The following BCAP29 variants were observed in gnomAD, a reference collection of about 807,000 sequenced individuals.
BCAP29 encodes B cell receptor associated protein 29.
Under a neutral mutation model 31.8 loss-of-function variants are expected in BCAP29, and 34 were observed. That is an observed-to-expected ratio of 1.07 (90% CI 0.81 to 1.42). The LOEUF (loss-of-function observed/expected upper bound fraction) is 1.42, where lower values mean the gene tolerates loss of function less well. BCAP29 is among the 40% of genes most tolerant of loss of function. BCAP29 has a pLI of 0.00. For missense variants in BCAP29, 314 were observed against 269.2 expected, an observed-to-expected ratio of 1.17 and a Z score of -1.16; for synonymous variants, 104 against 91.3, an observed-to-expected ratio of 1.14 and a Z score of -0.79.
chr7:107,615,171 A>T (rs1437643778), intron 7 of BCAP29: 2 of 456,162 alleles, frequency 4.4e-6, no homozygotes, highest in Non-Finnish European at 8.8e-6. Context: ...CCATTGTGGT[A>T]ACAGCCATTG....
Position 107,618,543 on chromosome 7 carries a change from A to G in BCAP29, c.*180A>G. 1.2e-6 allele frequency: 2 copies of G among 1,603,572 alleles called. No individual in the cohort carries two copies. The highest frequency in any genetic ancestry group is 8.5e-7 in the Non-Finnish European group (1 of 1,171,032). The stretch of plus-strand genomic sequence containing the variant: ...TTTGATGATGTTTCAGATATATTGC[A>G]AAGTCTGTATTCCAGCTCTTAAGAA... On this transcript the variant is annotated 3_prime_UTR_variant, in exon 8 of 8. Coordinates refer to ENST00000005259, the MANE Select transcript of BCAP29 (RefSeq NM_018844.4).
In BCAP29 at chr7:107,608,255, A is replaced by G. The variant is rs561232754; in HGVS notation, c.590-5077A>G. Among the ~76,000 whole-genome samples, 4 of 152,098 alleles carry G rather than the reference A, an allele frequency of 2.6e-5. No individual in the cohort carries two copies. In the East Asian group the frequency reaches 7.7e-4, roughly 29 times the overall value. ...CGCTCAACCTCCTTGAAAGCAGAGT[A>G]TCTGTGTAAATTGTTTGGAATTCTA... On this transcript the variant is annotated intron_variant, in intron 6 of 7. Coordinates refer to ENST00000005259, the MANE Select transcript of BCAP29 (RefSeq NM_018844.4).
intron 5 of BCAP29, among the ~76,000 whole-genome samples, chr7:107,599,124 A>G (rs1462806334): frequency 5.3e-5 from 7 of 131,676 alleles, no homozygotes; most frequent in Non-Finnish European, 1.1e-4. Flanking sequence ...ATATATAAAT[A>G]TATTAAAAAT....
At chr7:107,592,021 A>G (rs1485064353) in intron 3 of BCAP29, among the ~76,000 whole-genome samples, 8 of 152,222 alleles carry the variant, frequency 5.3e-5, no homozygotes, top group African/African-American at 1.9e-4. Context: ...TCCTGGCCTC[A>G]TGCTATCCTT....
At chr7:107,608,046 A>T (rs1372937384) in intron 6 of BCAP29, among the ~76,000 whole-genome samples, 1 of 152,074 alleles carries the variant, frequency 6.6e-6, no homozygotes, top group African/African-American at 2.4e-5. Context: ...ATCAGTTTTG[A>T]TGTTGACCTT....
intron 2 of BCAP29, among the ~76,000 whole-genome samples, chr7:107,583,464 A>G (rs1017838040): frequency 2.6e-5 from 4 of 152,176 alleles, no homozygotes; most frequent in African/African-American, 9.6e-5. Flanking sequence ...TATAAAAATC[A>G]GTATGCAGAG....
At chr7:107,612,391 TTATATATATATATATATATATATATA>T (rs36213596) in intron 6 of BCAP29, among the ~76,000 whole-genome samples, 46 of 30,874 alleles carry the variant, frequency 1.5e-3, no homozygotes, top group South Asian at 6.0e-3. Flanking sequence ...ATGTATTGTT[TTATATATATATATATATATATATATA>T]TATATATATA....
chr7:107,581,760 C>G (rs1315234461), intron 2 of BCAP29, among the ~76,000 whole-genome samples: 2 of 152,164 alleles, frequency 1.3e-5, no homozygotes, highest in Non-Finnish European at 2.9e-5. Context: ...TTCACAACTC[C>G]TAACTTGCTC....
At position 107,590,215 on chromosome 7, in the gene BCAP29, T is replaced by C. The variant is rs184662452; in HGVS notation, c.194-3740T>C. ...GATTTTAGTTTCCACCTTAATAATATCTACCCATTATATTGAATATTGACA... is the reference window on the plus strand; with the variant it reads ...GATTTTAGTTTCCACCTTAATAATACCTACCCATTATATTGAATATTGACA... On this transcript the variant is annotated intron_variant, in intron 3 of 7. Coordinates refer to ENST00000005259, the MANE Select transcript of BCAP29 (RefSeq NM_018844.4). Among the ~76,000 whole-genome samples the C allele has an allele frequency of 2.6e-5, 4 of 152,300 alleles. No homozygotes were observed. In the East Asian group the frequency reaches 7.7e-4, roughly 29 times the overall value.
chr7:107,590,853 G>GAAAT (rs1554475032), intron 3 of BCAP29, among the ~76,000 whole-genome samples: 1 of 150,392 alleles, frequency 6.6e-6, no homozygotes, highest in Non-Finnish European at 1.5e-5. Flanking sequence ...AAGAAAGAAA[G>GAAAT]AAATAATCCT....
intron 3 of BCAP29, among the ~76,000 whole-genome samples, chr7:107,593,098 G>A (rs1377509097): frequency 2.0e-5 from 3 of 152,164 alleles, no homozygotes; most frequent in Admixed American, 6.5e-5. Flanking sequence ...AAATAAAATA[G>A]TAGTCAAAAA....
intron 3 of BCAP29, among the ~76,000 whole-genome samples, chr7:107,590,729 G>T (rs1808560581): frequency 6.6e-6 from 1 of 151,712 alleles, no homozygotes; most frequent in African/African-American, 2.4e-5. Context: ...TGAGGTGGGA[G>T]AGTTGCTTGA....
chr7:107,614,782 T>C (rs1420928470), intron 7 of BCAP29, among the ~76,000 whole-genome samples: 1 of 152,200 alleles, frequency 6.6e-6, no homozygotes, highest in African/African-American at 2.4e-5. Context: ...CACTGAGGGC[T>C]CAGTTCACAT....
At chr7:107,613,874 C>T in intron 7 of BCAP29, 1 of 622,396 alleles carries the variant, frequency 1.6e-6, no homozygotes, top group East Asian at 2.9e-5. Context: ...CATTTACCTC[C>T]AAATGTTGAT....
intron 6 of BCAP29, among the ~76,000 whole-genome samples, chr7:107,601,557 G>C (rs1401149278): frequency 6.6e-6 from 1 of 152,142 alleles, no homozygotes; most frequent in East Asian, 1.9e-4. Context: ...AGTTGGCATA[G>C]TATAGCCCAA....
chr7:107,615,226 A>G, intron 7 of BCAP29: 2 of 456,720 alleles, frequency 4.4e-6, no homozygotes, highest in Non-Finnish European at 4.4e-6. Flanking sequence ...AGATTTCCTC[A>G]ACCCATTTCC....
chr7:107,622,686 G>C (rs1815079343), downstream of BCAP29: 1 of 152,242 alleles, frequency 6.6e-6, no homozygotes, highest in African/African-American at 2.4e-5. Flanking sequence ...TCATCCTGAG[G>C]GGAACATTTA....
At chr7:107,607,797 G>C (rs964849636) in intron 6 of BCAP29, among the ~76,000 whole-genome samples, 2 of 151,700 alleles carry the variant, frequency 1.3e-5, no homozygotes, top group African/African-American at 4.8e-5. Flanking sequence ...ACACCACCAT[G>C]CCCAGCTAAT....
At chr7:107,598,889 C>G in intron 5 of BCAP29, among the ~76,000 whole-genome samples, 1 of 141,386 alleles carries the variant, frequency 7.1e-6, no homozygotes, top group East Asian at 2.1e-4. Context: ...CTGGGCAATA[C>G]AGTATACACA....
Sources: gnomAD v4.1 joint callset for allele counts (sites outside exome capture counted in the v4.1 genomes callset) on GRCh38, gnomAD v4.1.1 for gene constraint, MANE v1.5 for transcripts, NCBI Gene and HGNC (gene_info 2026-07-23, HGNC 2026-07-21) for gene names.